Variants in GPHN observed in about 807,000 individuals in gnomAD.
GPHN encodes gephyrin.
In GPHN, 17 loss-of-function variants were observed where a neutral mutation model predicts 95.5. That is an observed-to-expected ratio of 0.18 (90% CI 0.12 to 0.27). GPHN has a LOEUF of 0.27. GPHN is among the 10% of genes least tolerant of loss of function. The pLI is 1.00. For missense variants in GPHN, 660 were observed against 978.1 expected, an observed-to-expected ratio of 0.67 and a Z score of 4.34; for synonymous variants, 320 against 322.5, an observed-to-expected ratio of 0.99 and a Z score of 0.08.
chr14:66,637,153 T>A (rs923315123), intron 1 of GPHN, among the ~76,000 whole-genome samples: 5 of 152,136 alleles, frequency 3.3e-5, no homozygotes, highest in African/African-American at 1.2e-4. Context: ...ATTCATTGGT[T>A]ATTGATATTA....
At chr14:67,719,200 A>G in the GPHN span, among the ~76,000 whole-genome samples, 1 of 152,384 alleles carries the variant, frequency 6.6e-6, no homozygotes, top group African/African-American at 2.4e-5. Context: ...TTTTATGCAC[A>G]AGACAATCAG....
chr14:67,611,156 C>CATCTTATGCCCACATCT, the GPHN span: 2 of 152,870 alleles, frequency 1.3e-5, no homozygotes, highest in East Asian at 3.9e-4. Context: ...TGCCCCTGGG[C>CATCTTATGCCCACATCT]TATGACCACT....
At chr14:67,083,805 G>T (rs969826323) in intron 11 of GPHN, among the ~76,000 whole-genome samples, 1 of 152,082 alleles carries the variant, frequency 6.6e-6, no homozygotes, top group Non-Finnish European at 1.5e-5. Context: ...AACATGACTT[G>T]GCTAGAGAGG....
At chr14:67,159,523 T>A in intron 19 of GPHN, 35 bp downstream of exon 19, 1 of 1,220,806 alleles carries the variant, frequency 8.2e-7, no homozygotes, top group Non-Finnish European at 1.2e-6. Context: ...ATATATGGGG[T>A]TGGTTTGGCT....
the GPHN span, among the ~76,000 whole-genome samples, chr14:67,353,411 G>GT: frequency 2.0e-5 from 3 of 152,152 alleles, no homozygotes; most frequent in Non-Finnish European, 4.4e-5. Context: ...AGCTACAGGT[G>GT]TAAGTGGGAG....
intron 2 of GPHN, among the ~76,000 whole-genome samples, chr14:66,693,764 C>G (rs1250841697): frequency 6.6e-6 from 1 of 152,146 alleles, no homozygotes; most frequent in Non-Finnish European, 1.5e-5. Flanking sequence ...TATAATCCTT[C>G]AACCAGTCAA....
At chr14:67,600,217 G>A in the GPHN span, 14 of 1,558,034 alleles carry the variant, frequency 9.0e-6, no homozygotes, top group African/African-American at 1.6e-4. Context: ...GCCCCCACTC[G>A]GCCGCCCGCA....
chr14:66,585,113 T>C (rs2061365208), intron 1 of GPHN, among the ~76,000 whole-genome samples: 1 of 152,152 alleles, frequency 6.6e-6, no homozygotes. Flanking sequence ...TGATTTAGTC[T>C]TGGGAGGGTG....
intron 5 of GPHN, among the ~76,000 whole-genome samples, chr14:66,898,088 A>G (rs1344408705): frequency 6.6e-6 from 1 of 151,786 alleles, no homozygotes; most frequent in Non-Finnish European, 1.5e-5. Context: ...GAGAGTTTTT[A>G]TGTGTTCTAG....
At chr14:66,519,109 A>G (rs2058372097) in intron 1 of GPHN, among the ~76,000 whole-genome samples, 1 of 152,046 alleles carries the variant, frequency 6.6e-6, no homozygotes, top group South Asian at 2.1e-4. Context: ...TAATTATTGT[A>G]TGTCAATGTA....
At chr14:66,776,169 T>C (rs1021682543) in intron 2 of GPHN, among the ~76,000 whole-genome samples, 1 of 152,172 alleles carries the variant, frequency 6.6e-6, no homozygotes, top group African/African-American at 2.4e-5. Flanking sequence ...ATGTTAGCTG[T>C]GACAGAATAC....
chr14:67,079,284 A>G (rs1056502127), intron 11 of GPHN, among the ~76,000 whole-genome samples: 6 of 152,104 alleles, frequency 3.9e-5, no homozygotes, highest in African/African-American at 1.4e-4. Flanking sequence ...TTTAGAAGAT[A>G]TAATTCATAT....
At chr14:66,614,726 ATTC>A (rs1428504638) in intron 1 of GPHN, among the ~76,000 whole-genome samples, 2 of 152,058 alleles carry the variant, frequency 1.3e-5, no homozygotes, top group Non-Finnish European at 2.9e-5. Flanking sequence ...TGTTTTATGT[ATTC>A]TTTTTTATGA....
At chr14:66,834,015 T>G (rs899435854) in intron 4 of GPHN, among the ~76,000 whole-genome samples, 6 of 152,186 alleles carry the variant, frequency 3.9e-5, no homozygotes, top group African/African-American at 1.4e-4. Context: ...CAACCATCAC[T>G]TCTTCTATCG....
At chr14:67,474,137 A>G in the GPHN span, among the ~76,000 whole-genome samples, 1 of 152,160 alleles carries the variant, frequency 6.6e-6, no homozygotes, top group Admixed American at 6.5e-5. Context: ...CTGTAATCCC[A>G]GCTACTTGGG....
the GPHN span, chr14:67,382,415 T>C: frequency 3.8e-6 from 6 of 1,591,786 alleles, no homozygotes; most frequent in Non-Finnish European, 5.2e-6. Flanking sequence ...TGTAGGTACA[T>C]TCATAAATGA....
intron 1 of GPHN, among the ~76,000 whole-genome samples, chr14:66,623,100 G>A (rs2063374064): frequency 6.6e-6 from 1 of 152,150 alleles, no homozygotes; most frequent in Non-Finnish European, 1.5e-5. Flanking sequence ...TGACTGGGGA[G>A]GCCTCACAAT....
the GPHN span, among the ~76,000 whole-genome samples, chr14:67,637,724 CTAGAA>C: frequency 6.6e-6 from 1 of 152,166 alleles, no homozygotes; most frequent in Non-Finnish European, 1.5e-5. Flanking sequence ...ATGTAATTAA[CTAGAA>C]TAGTTTAACA....
chr14:66,915,839 G>A (rs1212748139), intron 5 of GPHN, among the ~76,000 whole-genome samples, 164 bp from the exon 6 acceptor site: 1 of 152,104 alleles, frequency 6.6e-6, no homozygotes, highest in Non-Finnish European at 1.5e-5. Flanking sequence ...ACTTCAACCA[G>A]AATGCCTAAT....
Sources: gnomAD v4.1 joint callset for allele counts (sites outside exome capture counted in the v4.1 genomes callset) on GRCh38, gnomAD v4.1.1 for gene constraint, MANE v1.5 for transcripts, NCBI Gene and HGNC (gene_info 2026-07-23, HGNC 2026-07-21) for gene names.